Variants in GAB2 observed in about 807,000 individuals in gnomAD.
GAB2 encodes GRB2 associated binding protein 2, also known as GRB2-associated-binding protein 2.
In GAB2, 26 loss-of-function variants were observed where a neutral mutation model predicts 65.5. The ratio of observed to expected loss-of-function variants is 0.40; its 90% confidence interval spans 0.29 to 0.55. GAB2 has a LOEUF of 0.55. Among genes scored for constraint, GAB2 ranks in the 20% least tolerant of loss-of-function variants. The probability of loss-of-function intolerance (pLI) is 0.53; values close to 1 mark genes in which losing one functional copy is unlikely to be tolerated. For missense variants in GAB2, 884 were observed against 875.8 expected (o/e 1.01, Z -0.12); for synonymous variants, 321 against 329.6 (o/e 0.97, Z 0.28).
chr11:78,355,137 G>C (rs1391962818), intron 1 of GAB2, among the ~76,000 whole-genome samples: 2 of 152,216 alleles, frequency 1.3e-5, no homozygotes, highest in Admixed American at 6.5e-5. Flanking sequence ...TCCTCCACGG[G>C]AATAGGGATT....
At chr11:78,224,380 A>T (rs1482912028) in intron 5 of GAB2, among the ~76,000 whole-genome samples, 1 of 152,014 alleles carries the variant, frequency 6.6e-6, no homozygotes, top group Non-Finnish European at 1.5e-5. Context: ...GCATATTAGG[A>T]GTCCTGGCTC....
chr11:78,229,752 T>C (rs1282568400), intron 3 of GAB2, among the ~76,000 whole-genome samples: 1 of 152,234 alleles, frequency 6.6e-6, no homozygotes, highest in Non-Finnish European at 1.5e-5. Context: ...TTTTCCACTC[T>C]AGGATCCAAA....
chr11:78,416,969 G>C (rs1857205314), intron 1 of GAB2, among the ~76,000 whole-genome samples: 1 of 152,136 alleles, frequency 6.6e-6, no homozygotes, highest in African/African-American at 2.4e-5. Context: ...GAGCTGCCCG[G>C]TCCCAAACCC....
Position 78,336,034 on chromosome 11 carries a change from T to TC in GAB2, c.76-55134dup, listed in dbSNP as rs528843368. Among the ~76,000 whole-genome samples the TC allele has an allele frequency of 3.5e-3, 528 of 151,694 alleles. 3 individuals carry two copies. Among genetic ancestry groups the TC allele is most frequent in the African/African-American group, 0.012 (513 of 41,454 alleles). ...ACTTTTTAAAAAATTATTTTCCAGG[T>TC]CGGGCATGGTGGCTCACACCTGCAA... On this transcript the variant is annotated intron_variant, in intron 1 of 9. Coordinates refer to ENST00000361507, the MANE Select transcript of GAB2 (RefSeq NM_080491.3).
intron 2 of GAB2, among the ~76,000 whole-genome samples, chr11:78,253,833 CATT>C (rs1408336687): frequency 6.6e-6 from 1 of 152,188 alleles, no homozygotes; most frequent in Non-Finnish European, 1.5e-5. Context: ...CATAAGAAAT[CATT>C]ATTCCTCAGT....
intron 1 of GAB2, among the ~76,000 whole-genome samples, chr11:78,400,835 C>T (rs956386236): frequency 4.8e-5 from 6 of 125,208 alleles, no homozygotes; most frequent in African/African-American, 1.2e-4. Flanking sequence ...GCCTAGGAGG[C>T]GGAGACTGCA....
chr11:78,237,725 T>C (rs1004294759), intron 3 of GAB2, among the ~76,000 whole-genome samples: 5 of 152,180 alleles, frequency 3.3e-5, no homozygotes, highest in Admixed American at 6.5e-5. Context: ...ATGTAAGTGA[T>C]TGTTGGGTCA....
At chr11:78,312,205 A>T (rs951448798) in intron 1 of GAB2, among the ~76,000 whole-genome samples, 40 of 151,452 alleles carry the variant, frequency 2.6e-4, no homozygotes, top group African/African-American at 9.2e-4. Context: ...AAAAAAAGGT[A>T]ATTTCCCTAC....
chr11:78,318,579 G>A (rs1399928377), intron 1 of GAB2, among the ~76,000 whole-genome samples: 1 of 151,928 alleles, frequency 6.6e-6, no homozygotes, highest in Non-Finnish European at 1.5e-5. Context: ...GTGGCAGTAG[G>A]GAAGGAGAGG....
At chr11:78,224,855 C>T (rs1864575352) in intron 5 of GAB2, among the ~76,000 whole-genome samples, 1 of 152,088 alleles carries the variant, frequency 6.6e-6, no homozygotes, top group Admixed American at 6.5e-5. Context: ...ATTCTAGATC[C>T]TCTGCTTACC....
intron 1 of GAB2, among the ~76,000 whole-genome samples, chr11:78,333,182 A>T (rs1180074763): frequency 6.6e-6 from 1 of 152,204 alleles, no homozygotes; most frequent in Admixed American, 6.5e-5. Context: ...ATCACTAACC[A>T]TCTTCCAATA....
chr11:78,308,790 AAG>A (rs1855426285), intron 1 of GAB2, among the ~76,000 whole-genome samples: 1 of 152,214 alleles, frequency 6.6e-6, no homozygotes, highest in South Asian at 2.1e-4. Flanking sequence ...TATGACTGGA[AAG>A]AGACATTCAG....
rs376433189 is a variant in GAB2, at chr11:78,280,860, C to A, written c.117G>T (p.Met39Ile). The change falls in exon 2 of 10, where the codon ATG (methionine) becomes ATT (isoleucine). Residue 39 changes from methionine (M) to isoleucine (I), a missense_variant. Met to Ile is a conservative substitution (Grantham distance 10). Coordinates refer to ENST00000361507, the MANE Select transcript of GAB2 (RefSeq NM_080491.3). ...ATTCCAGAACATCTGGGTCACCGCT[C>A]ATCCGGCCACTCCGCAGGATAAACC... ...KRWFILRSGR[M>I]SGDPDVLEYY... 1.9e-6 allele frequency: 3 copies of A among 1,614,010 alleles called. No individual in the cohort carries two copies. Among genetic ancestry groups the A allele is most frequent in the Non-Finnish European group, 2.5e-6 (3 of 1,179,968 alleles).
intron 1 of GAB2, among the ~76,000 whole-genome samples, chr11:78,325,682 T>C (rs1243012078): frequency 6.6e-6 from 1 of 152,208 alleles, no homozygotes; most frequent in Non-Finnish European, 1.5e-5. Flanking sequence ...CAGCAACTAC[T>C]ACCCACGTAA....
rs1331075099 is a variant in GAB2 at position 78,252,550 on chromosome 11, C to A, written c.377-2150G>T. Among the ~76,000 whole-genome samples, 5 of 152,260 alleles carry A rather than the reference C, an allele frequency of 3.3e-5. No homozygotes were observed. The East Asian group carries it at 9.6e-4, about 29-fold the overall frequency. ...GTATTCTCTGTTGTCTCGTTGGACTCCTCTTCCTTTGCCTGCCCCTTCAGT... is the reference window on the plus strand; with the variant it reads ...GTATTCTCTGTTGTCTCGTTGGACTACTCTTCCTTTGCCTGCCCCTTCAGT... On this transcript the variant is annotated intron_variant, in intron 2 of 9. Transcript: ENST00000361507.
chr11:78,391,349 T>C (rs753870153), intron 1 of GAB2, among the ~76,000 whole-genome samples: 2 of 152,182 alleles, frequency 1.3e-5, no homozygotes, highest in Non-Finnish European at 2.9e-5. Context: ...TCTTTGATAC[T>C]CCATCTACCA....
intron 2 of GAB2, among the ~76,000 whole-genome samples, chr11:78,261,625 T>G (rs572421638): frequency 3.1e-4 from 47 of 152,180 alleles, no homozygotes; most frequent in African/African-American, 1.1e-3. Flanking sequence ...GGGCTTGGGT[T>G]GGTTAGTTGG....
chr11:78,291,544 CTTACTTTTTTCTT>C (rs1866673839), intron 1 of GAB2, among the ~76,000 whole-genome samples: 1 of 109,314 alleles, frequency 9.1e-6, no homozygotes, highest in African/African-American at 3.4e-5. Flanking sequence ...TCTTGAGAGA[CTTACTTTTTTCTT>C]TTTCTTTTTT....
At chr11:78,260,281 G>T (rs1039322866) in intron 2 of GAB2, among the ~76,000 whole-genome samples, 1 of 152,148 alleles carries the variant, frequency 6.6e-6, no homozygotes, top group Admixed American at 6.5e-5. Context: ...TGATGCATAC[G>T]ATCTCACAGT....
Sources: allele counts gnomAD v4.1 joint callset (sites outside exome capture counted in the v4.1 genomes callset), GRCh38; gene constraint gnomAD v4.1.1; transcripts MANE v1.5; gene names NCBI Gene and HGNC (gene_info 2026-07-23, HGNC 2026-07-21).